The following FAM227A variants were observed in gnomAD, a reference collection of about 807,000 sequenced individuals.
FAM227A encodes the protein protein FAM227A.
In FAM227A, 80 loss-of-function variants were observed where a neutral mutation model predicts 74.7. The ratio of observed to expected loss-of-function variants is 1.07; its 90% CI spans 0.89 to 1.29. The LOEUF is 1.29. Ranked by LOEUF, FAM227A falls within the 50% of genes most tolerant of loss-of-function variation. The pLI is 0.00. For missense variants in FAM227A, 654 were observed against 683.4 expected, an observed-to-expected ratio of 0.96 and a Z score of 0.48; for synonymous variants, 237 against 241.8, an observed-to-expected ratio of 0.98 and a Z score of 0.19.
rs138044967 is a variant in FAM227A, at chr22:38,633,486, T to C, written c.519+2965A>G. Among the ~76,000 whole-genome samples the C allele has an allele frequency of 1.3e-4, 20 of 152,308 alleles. 1 individual carries two copies. Among genetic ancestry groups the C allele is most frequent in the Admixed American group, 5.2e-4 (8 of 15,292 alleles). ...AGCGGGTCCAAGAAGCACAACTCCA[T>C]GTGCTTCTTACAGACAATTTGAAAA... is the stretch of plus-strand genomic sequence containing the variant. On this transcript the variant is annotated intron_variant, in intron 6 of 16. Transcript: ENST00000535113.
At chr22:38,621,264 C>T (rs888262420) in intron 10 of FAM227A, among the ~76,000 whole-genome samples, 2 of 150,384 alleles carry the variant, frequency 1.3e-5, no homozygotes, top group African/African-American at 2.4e-5. Context: ...GCTCAAGAAT[C>T]GCTTGAACCT....
intron 14 of FAM227A, among the ~76,000 whole-genome samples, chr22:38,598,624 ACTC>A (rs2091102708): frequency 2.6e-5 from 4 of 151,800 alleles, no homozygotes; most frequent in Admixed American, 1.3e-4. Context: ...TCATTACGAA[ACTC>A]CTCCTGTTGG....
Position 38,628,950 on chromosome 22 carries a change from T to A in FAM227A, c.520-15A>T, listed in dbSNP as rs1238114362. 2.2e-6 allele frequency: 3 copies of A among 1,357,624 alleles called. No individual in the cohort carries two copies. Among genetic ancestry groups the A allele is most frequent in the Non-Finnish European group, 3.0e-6 (3 of 988,072 alleles). The allele number at this position is 1,357,624 out of a possible 1,614,324, so 84.1% of individuals were successfully genotyped here. On this transcript the variant is annotated splice_polypyrimidine_tract_variant and intron_variant, in intron 6 of 16. Coordinates refer to ENST00000535113, the MANE Select transcript of FAM227A (RefSeq NM_001013647.2). ...GAACAGAAATGCTTGGAAAAAAAAA[T>A]TCACAGTATTATTATTGTTGTTATC...
At chr22:38,650,332 C>A in intron 1 of FAM227A, 70 bp from the exon 2 acceptor site, 1 of 648,766 alleles carries the variant, frequency 1.5e-6, no homozygotes, top group Admixed American at 2.8e-5. Context: ...TGTTCCCCAG[C>A]TACACAGGGT....
rs2090692364 is a variant in FAM227A, at chr22:38,579,987, CAT to C, written c.*6136_*6137del. 6.6e-6 allele frequency: 1 copy of C among 151,830 alleles called. No homozygotes were observed. Among genetic ancestry groups the C allele is most frequent in the Admixed American group, 6.6e-5 (1 of 15,228 alleles). The allele number at this position is 151,830 out of a possible 1,614,324, so 9.4% of individuals were successfully genotyped here. On this transcript the variant is annotated 3_prime_UTR_variant, in exon 17 of 17. Coordinates refer to ENST00000535113, the MANE Select transcript of FAM227A (RefSeq NM_001013647.2). ...AGGCTGGAGTGTGCAGTGGCATGAT[CAT>C]AGCTCACTGCACCCTCCAACTCCCA... is the stretch of plus-strand genomic sequence containing the variant.
chr22:38,644,565 GTCA>G (rs561128409), intron 3 of FAM227A, among the ~76,000 whole-genome samples: 247 of 151,320 alleles, frequency 1.6e-3, no homozygotes, highest in Admixed American at 2.4e-3. Flanking sequence ...GTAGATACAT[GTCA>G]TCATTTGTCC....
At chr22:38,613,800 C>T (rs1449289154) in intron 11 of FAM227A, among the ~76,000 whole-genome samples, 1 of 152,134 alleles carries the variant, frequency 6.6e-6, no homozygotes, top group Non-Finnish European at 1.5e-5. Context: ...CACATTGTGA[C>T]TGATTTCTCT....
chr22:38,616,072 C>A (rs992676635), intron 11 of FAM227A, among the ~76,000 whole-genome samples: 1 of 152,070 alleles, frequency 6.6e-6, no homozygotes, highest in Non-Finnish European at 1.5e-5. Context: ...TATGTAGATA[C>A]AGTAAGGAAG....
Position 38,581,068 on chromosome 22 carries a change from C to T in FAM227A, c.*5057G>A, listed in dbSNP as rs115319620. The stretch of plus-strand genomic sequence containing the variant: ...TGCTGGGATTACAGGCGTGAGCCAC[C>T]GCGTCCAGACACCAATCCGTTTTTT... On this transcript the variant is annotated 3_prime_UTR_variant, in exon 17 of 17. Coordinates refer to ENST00000535113, the MANE Select transcript of FAM227A (RefSeq NM_001013647.2). 0.056 allele frequency: 8,518 copies of T among 152,282 alleles called. 335 individuals carry two copies. The highest frequency in any genetic ancestry group is 0.11 in the African/African-American group (4,371 of 41,514). 9.4% of individuals were successfully genotyped at this position (152,282 alleles called of 1,614,324 possible).
intron 6 of FAM227A, among the ~76,000 whole-genome samples, chr22:38,634,144 C>A (rs1288251252): frequency 6.6e-6 from 1 of 150,526 alleles, no homozygotes; most frequent in African/African-American, 2.5e-5. Flanking sequence ...AGTGCTCGAA[C>A]CCAGGAAGGG....
chr22:38,644,020 G>A (rs1569238198), intron 3 of FAM227A, among the ~76,000 whole-genome samples: 2 of 151,642 alleles, frequency 1.3e-5, no homozygotes, highest in Admixed American at 6.6e-5. Flanking sequence ...GGTGGCGGGC[G>A]CCTGTAGTTC....
Position 38,650,309 on chromosome 22 carries a change from A to G in FAM227A, c.-94-47T>C, listed in dbSNP as rs964550933. The G allele has an allele frequency of 9.9e-6, 8 of 810,934 alleles. No individual in the cohort carries two copies. The Admixed American group carries it at 1.6e-4, about 16-fold the overall frequency. 50.2% of individuals were successfully genotyped at this position (810,934 alleles called of 1,614,324 possible). On this transcript the variant is annotated intron_variant, in intron 1 of 16. Coordinates refer to ENST00000535113, the MANE Select transcript of FAM227A (RefSeq NM_001013647.2). ...GAGCCAGCTCAGAAAACACAAGAAG[A>G]AAAGCCCAACCATGTTCCCCAGCTA...
Position 38,607,438 on chromosome 22 carries a change from C to G in FAM227A, c.1077G>C (p.Ser359=). The change falls in exon 12 of 17, where the codon TCG becomes TCC. Residue 359 remains serine, a synonymous_variant. Transcript: ENST00000535113. The part of the protein sequence containing the change: ...SANSPSEKTS[S]AKQNSEKSLR... ...AGCTTTTTTCTGAGTTCTGCTTGGC[C>G]GAAGAGGTTTTTTCACTGGGTGAAT... 1 of 1,551,138 alleles carries G rather than the reference C, an allele frequency of 6.4e-7. No homozygotes were observed. The highest frequency in any genetic ancestry group is 8.7e-7 in the Non-Finnish European group (1 of 1,146,876).
chr22:38,624,422 A>G (rs1324936639), intron 9 of FAM227A, among the ~76,000 whole-genome samples: 2 of 152,100 alleles, frequency 1.3e-5, no homozygotes, highest in Non-Finnish European at 2.9e-5. Context: ...GGTGTGCAGA[A>G]GAGTTAACAC....
chr22:38,585,980 C>G lies in FAM227A; in HGVS notation c.*145G>C, dbSNP rs1443220894. 2.0e-6 allele frequency: 3 copies of G among 1,511,190 alleles called. No homozygotes were observed. The highest frequency in any genetic ancestry group is 2.7e-6 in the Non-Finnish European group (3 of 1,127,714). The allele number at this position is 1,511,190 out of a possible 1,614,324, so 93.6% of individuals were successfully genotyped here. A position where few individuals can be genotyped will look rare whatever the true frequency, so the allele number is the denominator to read the frequency against. Reference sequence around the variant, plus strand: ...TTTTCACTCAGCCTAGGAAAAACTACAACGGAATCCTTCCCCTATGGAGAA... The same window carrying G: ...TTTTCACTCAGCCTAGGAAAAACTAGAACGGAATCCTTCCCCTATGGAGAA... On this transcript the variant is annotated 3_prime_UTR_variant, in exon 17 of 17. Transcript: ENST00000535113.
At chr22:38,591,693 A>C (rs572588619) in intron 15 of FAM227A, among the ~76,000 whole-genome samples, 153 bp from the exon 16 acceptor site, 1 of 152,312 alleles carries the variant, frequency 6.6e-6, no homozygotes, top group African/African-American at 2.4e-5. Flanking sequence ...ACAGATTCTA[A>C]GTGTGCAGCT....
intron 7 of FAM227A, 47 bp downstream of exon 7, chr22:38,628,787 G>A (rs2091859686): frequency 7.9e-6 from 9 of 1,141,628 alleles, no homozygotes; most frequent in Admixed American, 2.2e-5. Flanking sequence ...TTGTTCTGTA[G>A]AAAAATAACT....
Position 38,582,806 on chromosome 22 carries a change from A to G in FAM227A, c.*3319T>C, listed in dbSNP as rs766046940. The G allele has an allele frequency of 9.4e-5, 146 of 1,546,088 alleles. No individual in the cohort carries two copies. Among genetic ancestry groups the G allele is most frequent in the African/African-American group, 1.2e-4 (9 of 72,926 alleles). On this transcript the variant is annotated 3_prime_UTR_variant, in exon 17 of 17. Transcript: ENST00000535113. ...AATCTACTATGGTAACTGCTGCCAT[A>G]ATGGGATGGCACAGAATGCTGTTGG...
Position 38,582,558 on chromosome 22 carries a change from T to A in FAM227A, c.*3567A>T. 2.2e-6 allele frequency: 2 copies of A among 902,314 alleles called. No individual in the cohort carries two copies. The highest frequency in any genetic ancestry group is 5.4e-5 in the Admixed American group (2 of 37,380). The allele number at this position is 902,314 out of a possible 1,614,324, so 55.9% of individuals were successfully genotyped here. On this transcript the variant is annotated 3_prime_UTR_variant, in exon 17 of 17. Coordinates refer to ENST00000535113, the MANE Select transcript of FAM227A (RefSeq NM_001013647.2). ...CCCCATAATTTTCCCTTCTAATGTT[T>A]ACAAAGGGCAGAGACAGGTTTCTTC...
Sources: allele counts gnomAD v4.1 joint callset (sites outside exome capture counted in the v4.1 genomes callset), GRCh38; gene constraint gnomAD v4.1.1; transcripts MANE v1.5; gene names NCBI Gene and HGNC (gene_info 2026-07-23, HGNC 2026-07-21).